The following NAALADL2 variants were observed in gnomAD, a reference collection of about 807,000 sequenced individuals.
NAALADL2 encodes the protein N-acetylated alpha-linked acidic dipeptidase like 2, also known as inactive N-acetylated-alpha-linked acidic dipeptidase-like protein 2.
NAALADL2 carries 76 observed loss-of-function variants against 87.2 expected under a neutral mutation model. The ratio of observed to expected loss-of-function variants is 0.87; its 90% CI spans 0.72 to 1.05. NAALADL2 has a LOEUF of 1.05. NAALADL2 is among the 50% of genes least tolerant of loss of function. NAALADL2 has a pLI of 0.00. For missense variants in NAALADL2, 1,089 were observed against 945.8 expected (o/e 1.15, Z -1.99); for synonymous variants, 354 against 331.0 (o/e 1.07, Z -0.75).
intron 5 of NAALADL2, among the ~76,000 whole-genome samples, chr3:175,338,659 ACAC>A (rs1762276003): frequency 1.4e-5 from 2 of 139,008 alleles, no homozygotes; most frequent in African/African-American, 6.1e-5. Context: ...ACACACACAC[ACAC>A]AAACAAACAA....
At chr3:174,867,543 A>G (rs1318666248) in intron 1 of NAALADL2, among the ~76,000 whole-genome samples, 1 of 151,964 alleles carries the variant, frequency 6.6e-6, no homozygotes, top group African/African-American at 2.4e-5. Context: ...TTATTGCTTC[A>G]TTTCTAGTGC....
At chr3:175,269,914 T>TGA (rs1398731386) in intron 4 of NAALADL2, among the ~76,000 whole-genome samples, 1 of 152,146 alleles carries the variant, frequency 6.6e-6, no homozygotes, top group Admixed American at 6.6e-5. Flanking sequence ...TGGTTCAGAA[T>TGA]GAGAGAGATA....
intron 1 of NAALADL2, among the ~76,000 whole-genome samples, chr3:174,978,289 T>C (rs1744639164): frequency 6.6e-6 from 1 of 152,222 alleles, no homozygotes; most frequent in African/African-American, 2.4e-5. Context: ...AGTGTACATA[T>C]GATTTTAAGT....
intron 1 of NAALADL2, among the ~76,000 whole-genome samples, chr3:174,516,974 G>C (rs1292411687): frequency 6.6e-6 from 1 of 151,672 alleles, no homozygotes; most frequent in Non-Finnish European, 1.5e-5. Context: ...TTATTCTTTA[G>C]GTTTTAAAAA....
chr3:175,023,667 A>G (rs930114288), intron 1 of NAALADL2, among the ~76,000 whole-genome samples: 10 of 152,114 alleles, frequency 6.6e-5, no homozygotes, highest in African/African-American at 9.6e-5. Flanking sequence ...TATAACAAAT[A>G]TATTTCTTGA....
At chr3:174,443,695 A>G (rs1182945467) in intron 1 of NAALADL2, among the ~76,000 whole-genome samples, 1 of 152,184 alleles carries the variant, frequency 6.6e-6, no homozygotes, top group Non-Finnish European at 1.5e-5. Flanking sequence ...TTTACGTCAT[A>G]AAATCTGGTA....
intron 11 of NAALADL2, among the ~76,000 whole-genome samples, chr3:175,681,394 C>T (rs545461055): frequency 9.2e-5 from 14 of 152,186 alleles, no homozygotes; most frequent in African/African-American, 3.4e-4. Context: ...CATGGTATCT[C>T]TAATTTAAAC....
intron 1 of NAALADL2, among the ~76,000 whole-genome samples, chr3:174,890,077 A>C (rs2109784444): frequency 6.6e-6 from 1 of 152,302 alleles, no homozygotes; most frequent in African/African-American, 2.4e-5. Flanking sequence ...TGTCCTTGAG[A>C]TAATATCGGT....
intron 5 of NAALADL2, among the ~76,000 whole-genome samples, chr3:175,432,175 A>G (rs2149165662): frequency 6.6e-6 from 1 of 152,168 alleles, no homozygotes; most frequent in Non-Finnish European, 1.5e-5. Flanking sequence ...TATTTCTATC[A>G]CAAGAAGATA....
At chr3:175,763,704 A>G (rs1220831501) in intron 13 of NAALADL2, among the ~76,000 whole-genome samples, 1 of 152,212 alleles carries the variant, frequency 6.6e-6, no homozygotes, top group Non-Finnish European at 1.5e-5. Context: ...TGTAAGGTAT[A>G]TGAACATGAC....
intron 4 of NAALADL2, among the ~76,000 whole-genome samples, chr3:175,317,806 A>G (rs1419477993): frequency 6.6e-6 from 1 of 152,172 alleles, no homozygotes. Context: ...AAAAGAAATA[A>G]TGTTAATTGT....
chr3:174,700,661 T>C (rs1257138647), intron 2 of NAALADL2, among the ~76,000 whole-genome samples: 2 of 152,220 alleles, frequency 1.3e-5, no homozygotes. Flanking sequence ...ACAAAGTTCA[T>C]GGCCACATTG....
intron 1 of NAALADL2, among the ~76,000 whole-genome samples, chr3:175,074,495 T>A (rs1430489076): frequency 6.6e-6 from 1 of 152,114 alleles, no homozygotes; most frequent in African/African-American, 2.4e-5. Flanking sequence ...TTATTGAATT[T>A]TTTTGAAATA....
chr3:175,399,701 G>C (rs1770303803), intron 5 of NAALADL2, among the ~76,000 whole-genome samples: 1 of 151,926 alleles, frequency 6.6e-6, no homozygotes, highest in Non-Finnish European at 1.5e-5. Context: ...AGGTCTTTAT[G>C]ACCTGTATCT....
chr3:174,444,423 C>A (rs1038201977), intron 1 of NAALADL2, among the ~76,000 whole-genome samples: 1 of 152,116 alleles, frequency 6.6e-6, no homozygotes, highest in Non-Finnish European at 1.5e-5. Context: ...TGAAAGAATA[C>A]TTTGAGATTC....
intron 11 of NAALADL2, among the ~76,000 whole-genome samples, chr3:175,678,420 C>CA (rs1735117320): frequency 6.6e-6 from 1 of 152,122 alleles, no homozygotes; most frequent in Admixed American, 6.5e-5. Context: ...GTGCTACATG[C>CA]ACACGTATGT....
At chr3:175,755,544 T>C (rs1747159136) in intron 13 of NAALADL2, 126 bp downstream of exon 13, 2 of 591,666 alleles carry the variant, frequency 3.4e-6, no homozygotes, top group Non-Finnish European at 5.2e-6. Context: ...AGTTACTCAT[T>C]TGAGGAACTT....
intron 4 of NAALADL2, among the ~76,000 whole-genome samples, chr3:175,260,638 A>G (rs1750868147): frequency 6.6e-6 from 1 of 152,166 alleles, no homozygotes; most frequent in African/African-American, 2.4e-5. Flanking sequence ...ATCAACAGTT[A>G]GTCATGATTC....
chr3:175,506,633 G>C (rs980855328), intron 9 of NAALADL2, among the ~76,000 whole-genome samples: 4 of 152,146 alleles, frequency 2.6e-5, no homozygotes, highest in Admixed American at 2.6e-4. Context: ...AATATTTCTA[G>C]GAGTGTAAAA....
Sources: gnomAD v4.1 joint callset for allele counts (sites outside exome capture counted in the v4.1 genomes callset) on GRCh38, gnomAD v4.1.1 for gene constraint, MANE v1.5 for transcripts, NCBI Gene and HGNC (gene_info 2026-07-23, HGNC 2026-07-21) for gene names.